RSL1D1: variants seen among roughly 807,000 people sequenced by gnomAD.
RSL1D1 encodes ribosomal L1 domain-containing protein 1.
RSL1D1 carries 34 observed loss-of-function variants against 44.6 expected under a neutral mutation model. The ratio of observed to expected loss-of-function variants is 0.76; its 90% CI spans 0.58 to 1.02. The LOEUF is 1.02. RSL1D1 is among the 50% of genes least tolerant of loss of function. The pLI is 0.00. For synonymous variants in RSL1D1, 271 were observed against 207.4 expected (o/e 1.31, Z -2.63); for missense variants, 767 against 568.1 (o/e 1.35, Z -3.56).
Position 11,837,779 on chromosome 16 carries a change from C to A in RSL1D1, c.*8G>T, listed in dbSNP as rs755352647. The A allele has an allele frequency of 2.5e-6, 4 of 1,591,428 alleles. No homozygotes were observed. In the South Asian group the frequency reaches 3.4e-5, roughly 14 times the overall value. ...CATTGAGGTTTCCTTCCAGTTGAAT[C>A]ACTGACTTTAGGTCGACTGGGGTAC... On this transcript the variant is annotated 3_prime_UTR_variant, in exon 9 of 9. Transcript: ENST00000571133.
chr16:11,840,304 G>A (rs751265842), intron 7 of RSL1D1, among the ~76,000 whole-genome samples: 13 of 152,154 alleles, frequency 8.5e-5, no homozygotes, highest in Admixed American at 6.5e-5. Context: ...GGTGGCTCAC[G>A]CCTGTAATCA....
At chr16:11,851,357 C>T in intron 1 of RSL1D1, 51 bp downstream of exon 1, 1 of 1,554,962 alleles carries the variant, frequency 6.4e-7, no homozygotes, top group Non-Finnish European at 8.9e-7. Flanking sequence ...CTGCGCCTCA[C>T]GAGGTAACCG....
chr16:11,851,318 C>A, intron 1 of RSL1D1, 90 bp downstream of exon 1: 1 of 1,238,796 alleles, frequency 8.1e-7, no homozygotes, highest in Middle Eastern at 2.0e-4. Flanking sequence ...CGGGGAAGTC[C>A]GCCGAGCACG....
rs965063237 is a variant in RSL1D1 at position 11,834,581 on chromosome 16, G to A, written c.*3206C>T. The A allele has an allele frequency of 1.3e-5, 2 of 152,210 alleles. No homozygotes were observed. The highest frequency in any genetic ancestry group is 4.8e-5 in the African/African-American group (2 of 41,440). 9.4% of individuals were successfully genotyped at this position (152,210 alleles called of 1,614,324 possible). A position where few individuals can be genotyped will look rare whatever the true frequency, so the allele number is the denominator to read the frequency against. Reference sequence around the variant, plus strand: ...AATTATGTCATGCAGAGAACAGACTGGCACGATTACATATGTGGGTTTGTC... The same window carrying A: ...AATTATGTCATGCAGAGAACAGACTAGCACGATTACATATGTGGGTTTGTC... On this transcript the variant is annotated 3_prime_UTR_variant, in exon 9 of 9. Transcript: ENST00000571133.
In RSL1D1 at chr16:11,836,838, G is replaced by T. The variant is rs2053723950; in HGVS notation, c.*949C>A. The T allele has an allele frequency of 6.6e-6, 1 of 152,150 alleles. No individual in the cohort carries two copies. Among genetic ancestry groups the T allele is most frequent in the Non-Finnish European group, 1.5e-5 (1 of 68,042 alleles). The allele number at this position is 152,150 out of a possible 1,614,324, so 9.4% of individuals were successfully genotyped here. A position where few individuals can be genotyped will look rare whatever the true frequency, so the allele number is the denominator to read the frequency against. The stretch of plus-strand genomic sequence containing the variant: ...AGCGAGACCCTCACTGGGCCACTCT[G>T]GGAATGACTACAAATGAATATGATG... On this transcript the variant is annotated 3_prime_UTR_variant, in exon 9 of 9. Transcript: ENST00000571133.
rs960045426 is a variant in RSL1D1 at position 11,836,728 on chromosome 16, G to A, written c.*1059C>T. The stretch of plus-strand genomic sequence containing the variant: ...CCCTTCCCATATGGATGCTAATCCA[G>A]TGACTCATAAGCTTAGACCAACAAG... On this transcript the variant is annotated 3_prime_UTR_variant, in exon 9 of 9. Transcript: ENST00000571133. 2 of 152,202 alleles carry A rather than the reference G, an allele frequency of 1.3e-5. No homozygotes were observed. The highest frequency in any genetic ancestry group is 1.5e-5 in the Non-Finnish European group (1 of 68,034). The allele number at this position is 152,202 out of a possible 1,614,324, so 9.4% of individuals were successfully genotyped here. A position where few individuals can be genotyped will look rare whatever the true frequency, so the allele number is the denominator to read the frequency against.
rs764111544 is a variant in RSL1D1, at chr16:11,839,937, T to A, written c.904A>T (p.Arg302Trp). The A allele has an allele frequency of 6.2e-7, 1 of 1,612,694 alleles. No individual in the cohort carries two copies. Among genetic ancestry groups the A allele is most frequent in the Admixed American group, 1.7e-5 (1 of 59,570 alleles). ...RERNFEKQKE[R>W]KKKRQQARKT... is the part of the protein sequence containing the mutation. Reference sequence around the variant, plus strand: ...CTAGCCTGCTGCCTCTTCTTCTTCCTCTCCTTTTGTTTTTCAAAATTTCTT... The same window carrying A: ...CTAGCCTGCTGCCTCTTCTTCTTCCACTCCTTTTGTTTTTCAAAATTTCTT... The change falls in exon 8 of 9, where the codon AGG (arginine) becomes TGG (tryptophan). Residue 302 changes from arginine (R) to tryptophan (W), a missense_variant. Transcript: ENST00000571133.
rs1346207247 is a variant in RSL1D1, at chr16:11,841,901, C to G, written c.729+6G>C. ...ACAATCAATTGATGCACCTGTAATA[C>G]TGTACCTCTGGCAATTTTTCTGAAA... is the stretch of plus-strand genomic sequence containing the variant. On this transcript the variant is annotated splice_donor_region_variant and intron_variant, in intron 6 of 8. Coordinates refer to ENST00000571133, the MANE Select transcript of RSL1D1 (RefSeq NM_015659.3). The G allele has an allele frequency of 1.2e-6, 2 of 1,613,196 alleles. No homozygotes were observed. The highest frequency in any genetic ancestry group is 8.5e-7 in the Non-Finnish European group (1 of 1,179,600).
At chr16:11,839,550 A>AATAT (rs1186544380) in intron 8 of RSL1D1, 145 bp downstream of exon 8, 63 of 1,120,504 alleles carry the variant, frequency 5.6e-5, no homozygotes, top group Non-Finnish European at 7.4e-5. Context: ...AAAAAAAGGT[A>AATAT]CAATAAATCA....
intron 2 of RSL1D1, among the ~76,000 whole-genome samples, chr16:11,848,267 A>G (rs2053813181): frequency 6.6e-6 from 1 of 152,194 alleles, no homozygotes; most frequent in Non-Finnish European, 1.5e-5. Context: ...ACACAAAAAC[A>G]AAAAACAAAA....
chr16:11,835,913 C>G lies in RSL1D1; in HGVS notation c.*1874G>C, dbSNP rs546316137. On this transcript the variant is annotated 3_prime_UTR_variant, in exon 9 of 9. Transcript: ENST00000571133. Reference sequence around the variant, plus strand: ...GCTAAAGGGTGGAAGGCTGCCCTGACGCACCATAATCTAAGCCCAGGGCAT... The same window carrying G: ...GCTAAAGGGTGGAAGGCTGCCCTGAGGCACCATAATCTAAGCCCAGGGCAT... 5 of 152,076 alleles carry G rather than the reference C, an allele frequency of 3.3e-5. No homozygotes were observed. The highest frequency in any genetic ancestry group is 5.9e-5 in the Non-Finnish European group (4 of 68,034). 9.4% of individuals were successfully genotyped at this position (152,076 alleles called of 1,614,324 possible).
chr16:11,851,065 G>A (rs1435212388), intron 1 of RSL1D1: 2 of 377,266 alleles, frequency 5.3e-6, no homozygotes, highest in Non-Finnish European at 1.0e-5. Flanking sequence ...GGATAACGGG[G>A]AGCCGAAGGG....
intron 5 of RSL1D1, among the ~76,000 whole-genome samples, chr16:11,842,531 T>C (rs2053770082): frequency 6.6e-6 from 1 of 151,242 alleles, no homozygotes; most frequent in Non-Finnish European, 1.5e-5. Context: ...CCAGCTGATT[T>C]TTGTATTTTT....
Position 11,847,826 on chromosome 16 carries a change from A to T in RSL1D1, c.246-20T>A, listed in dbSNP as rs2053810150. On this transcript the variant is annotated intron_variant, in intron 2 of 8. Transcript: ENST00000571133. ...AAGGTCCTACAAAATACGTGAAAAG[A>T]AACCGAGGAAAGCATTATTACACAC... 1.9e-6 allele frequency: 3 copies of T among 1,609,744 alleles called. No homozygotes were observed. The highest frequency in any genetic ancestry group is 2.5e-6 in the Non-Finnish European group (3 of 1,177,760).
chr16:11,847,490 G>T, intron 3 of RSL1D1, 178 bp downstream of exon 3: 1 of 569,166 alleles, frequency 1.8e-6, no homozygotes, highest in Non-Finnish European at 3.1e-6. Context: ...AATGACACGA[G>T]CCACCTCTTT....
chr16:11,837,097 G>A lies in RSL1D1; in HGVS notation c.*690C>T, dbSNP rs80166741. ...CACTTGATCCTTCCACCTCAGCCTC[G>A]TGAGGAGCTGGGAGCACAGATGCAT... On this transcript the variant is annotated 3_prime_UTR_variant, in exon 9 of 9. Coordinates refer to ENST00000571133, the MANE Select transcript of RSL1D1 (RefSeq NM_015659.3). 3 of 152,110 alleles carry A rather than the reference G, an allele frequency of 2.0e-5. No individual in the cohort carries two copies. The highest frequency in any genetic ancestry group is 1.3e-4 in the Admixed American group (2 of 15,248). The allele number at this position is 152,110 out of a possible 1,614,324, so 9.4% of individuals were successfully genotyped here.
chr16:11,851,302 C>T (rs749782265), intron 1 of RSL1D1, 106 bp downstream of exon 1: 2 of 1,077,016 alleles, frequency 1.9e-6, no homozygotes, highest in South Asian at 2.6e-5. Flanking sequence ...GACCGTCCCA[C>T]AGCCCCGGGG....
At chr16:11,839,526 TAA>T (rs55657359) in intron 8 of RSL1D1, among the ~76,000 whole-genome samples, 167 bp downstream of exon 8, 60,041 of 120,898 alleles carry the variant, frequency 0.5, 15,401 homozygotes, top group Non-Finnish European at 0.61. Flanking sequence ...AGATCCCATC[TAA>T]AAAAAAAAAA....
intron 1 of RSL1D1, 51 bp from the exon 2 acceptor site, chr16:11,850,469 C>T: frequency 6.4e-7 from 1 of 1,551,754 alleles, no homozygotes; most frequent in Non-Finnish European, 8.7e-7. Flanking sequence ...CAATAACTTA[C>T]ACAAATAAAT....
Sources: allele counts gnomAD v4.1 joint callset (sites outside exome capture counted in the v4.1 genomes callset), GRCh38; gene constraint gnomAD v4.1.1; transcripts MANE v1.5; gene names NCBI Gene and HGNC (gene_info 2026-07-23, HGNC 2026-07-21).